The following TNKS variants were observed in gnomAD, a reference collection of about 807,000 sequenced individuals.
The protein encoded by TNKS is poly [ADP-ribose] polymerase tankyrase-1.
A neutral mutation model predicts 135.8 loss-of-function variants in TNKS; 72 were observed. The observed-to-expected ratio is 0.53, with a 90% CI of 0.44 to 0.64. The LOEUF is 0.64. Among genes scored for constraint, TNKS ranks in the 30% least tolerant of loss-of-function variants. The pLI is 0.00. For missense variants in TNKS, 1,769 were observed against 1,674.0 expected, an observed-to-expected ratio of 1.06 and a Z score of -0.99; for synonymous variants, 849 against 649.3, an observed-to-expected ratio of 1.31 and a Z score of -4.68.
At chr8:9,664,887 C>T (rs1242421171) in intron 3 of TNKS, among the ~76,000 whole-genome samples, 1 of 152,216 alleles carries the variant, frequency 6.6e-6, no homozygotes, top group African/African-American at 2.4e-5. Context: ...TACTACACGG[C>T]ATTTCTATAC....
At chr8:9,641,209 G>A (rs1164932044) in intron 3 of TNKS, among the ~76,000 whole-genome samples, 1 of 145,154 alleles carries the variant, frequency 6.9e-6, no homozygotes, top group African/African-American at 2.6e-5. Flanking sequence ...TTCTTAAGGT[G>A]CAAATTTCAT....
intron 26 of TNKS, among the ~76,000 whole-genome samples, chr8:9,771,826 T>G (rs1373861869): frequency 5.9e-4 from 1 of 1,700 alleles, no homozygotes; most frequent in East Asian, 0.021. Context: ...GAAGGGGGAA[T>G]GAAGCGGGGA....
intron 13 of TNKS, 62 bp downstream of exon 13, chr8:9,726,782 T>C: frequency 6.8e-6 from 9 of 1,319,438 alleles, no homozygotes; most frequent in Non-Finnish European, 9.7e-6. Context: ...AATTCATTTT[T>C]AAGCTTCTAA....
intron 5 of TNKS, among the ~76,000 whole-genome samples, chr8:9,683,163 C>T (rs1293789230): frequency 6.6e-6 from 1 of 151,880 alleles, no homozygotes; most frequent in African/African-American, 2.4e-5. Flanking sequence ...ATTAAATGTA[C>T]CAGTTGCAGT....
At chr8:9,617,365 A>T (rs1799684961) in intron 3 of TNKS, among the ~76,000 whole-genome samples, 1 of 152,180 alleles carries the variant, frequency 6.6e-6, no homozygotes, top group African/African-American at 2.4e-5. Flanking sequence ...CATAATACTG[A>T]TTTAGAGTCA....
At chr8:9,762,730 G>T (rs1807210317) in intron 21 of TNKS, among the ~76,000 whole-genome samples, 1 of 151,986 alleles carries the variant, frequency 6.6e-6, no homozygotes, top group Non-Finnish European at 1.5e-5. Context: ...ATGAAACCCT[G>T]TCTCTACTAA....
chr8:9,751,516 GA>G, intron 18 of TNKS, 92 bp from the exon 19 acceptor site: 3 of 1,212,550 alleles, frequency 2.5e-6, no homozygotes, highest in Non-Finnish European at 2.3e-6. Context: ...ATTCATTAAG[GA>G]AAAAATCCAC....
In TNKS at chr8:9,556,034, C is replaced by T. The variant is rs776203335; in HGVS notation, c.95C>T (p.Pro32Leu). Residue 32 changes from proline (P) to leucine (L), a missense_variant, in exon 1 of 27, where the codon CCT (proline) becomes CTT (leucine). This residue lies in a region of TNKS where 450 missense variants were observed against 304.9 expected (regional missense o/e 1.48). Coordinates refer to ENST00000310430, the MANE Select transcript of TNKS (RefSeq NM_003747.3). The stretch of plus-strand genomic sequence containing the variant: ...GCTTCAGCGCCGCCGCCGCCACCTC[C>T]TCCCCCACTCAGCCCTGGCCTGGCC... ...PGASAPPPPP[P>L]PPLSPGLAPG... The T allele has an allele frequency of 5.6e-6, 9 of 1,611,972 alleles. No individual in the cohort carries two copies. Among genetic ancestry groups the T allele is most frequent in the Middle Eastern group, 1.7e-4 (1 of 6,042 alleles).
chr8:9,769,598 C>T (rs552658695), intron 25 of TNKS, among the ~76,000 whole-genome samples: 3 of 147,418 alleles, frequency 2.0e-5, no homozygotes, highest in Admixed American at 2.0e-4. Flanking sequence ...GCAAAACTTA[C>T]TGGCAGGCAT....
chr8:9,666,037 C>A (rs577969024), intron 3 of TNKS, among the ~76,000 whole-genome samples: 1 of 152,218 alleles, frequency 6.6e-6, no homozygotes, highest in African/African-American at 2.4e-5. Context: ...GTTCCTTGTA[C>A]CTAGGAGAAT....
intron 11 of TNKS, among the ~76,000 whole-genome samples, chr8:9,713,434 A>G (rs1205098394): frequency 6.6e-6 from 1 of 152,210 alleles, no homozygotes; most frequent in Non-Finnish European, 1.5e-5. Flanking sequence ...AATGGAAAAT[A>G]ACATTATGAC....
At chr8:9,623,428 A>G (rs953788121) in intron 3 of TNKS, among the ~76,000 whole-genome samples, 3 of 61,472 alleles carry the variant, frequency 4.9e-5, no homozygotes, top group Non-Finnish European at 6.3e-5. Context: ...CATAAAGTGA[A>G]ACACACTTTT....
chr8:9,596,879 G>A (rs1309669417), intron 2 of TNKS, among the ~76,000 whole-genome samples: 1 of 152,260 alleles, frequency 6.6e-6, no homozygotes, highest in East Asian at 1.9e-4. Flanking sequence ...TGTTCTAGTG[G>A]GTCCCCTAAA....
chr8:9,704,807 C>G, intron 6 of TNKS, 50 bp downstream of exon 6: 1 of 1,458,650 alleles, frequency 6.9e-7, no homozygotes, highest in South Asian at 1.2e-5. Context: ...TTGTCTGATA[C>G]TCTAAACTTT....
chr8:9,654,534 A>C (rs1801273803), intron 3 of TNKS, among the ~76,000 whole-genome samples: 1 of 152,198 alleles, frequency 6.6e-6, no homozygotes, highest in Admixed American at 6.5e-5. Flanking sequence ...CTTCATTGCA[A>C]ACTTAACCAA....
chr8:9,620,245 C>T (rs1054648365), intron 3 of TNKS, among the ~76,000 whole-genome samples: 5 of 152,166 alleles, frequency 3.3e-5, no homozygotes, highest in African/African-American at 1.2e-4. Flanking sequence ...CCGTGCCCGG[C>T]CGGGACTCCT....
Position 9,765,767 on chromosome 8 carries a change from A to G in TNKS, c.3523A>G (p.Asn1175Asp). Residue 1175 changes from asparagine to aspartate, a missense_variant, in exon 24 of 27, where the codon AAC (asparagine) becomes GAC (aspartate). Asn to Asp is a conservative substitution (Grantham distance 23). Coordinates refer to ENST00000310430, the MANE Select transcript of TNKS (RefSeq NM_003747.3). ...GAAGGAAGTGTCTGAGGAGAATCAC[A>G]ACCATCACAATGAGCGCATGTTGTT... Reference protein sequence around the residue: ...RQKEVSEENHNHHNERMLFHG... With the variant: ...RQKEVSEENHDHHNERMLFHG... 6.2e-7 allele frequency: 1 copy of G among 1,614,030 alleles called. No individual in the cohort carries two copies. The highest frequency in any genetic ancestry group is 8.5e-7 in the Non-Finnish European group (1 of 1,179,906).
At chr8:9,720,303 G>A in intron 11 of TNKS, 71 bp from the exon 12 acceptor site, 1 of 1,301,286 alleles carries the variant, frequency 7.7e-7, no homozygotes, top group Non-Finnish European at 1.0e-6. Context: ...TCATAAGAAT[G>A]TATTTTCTAA....
chr8:9,655,269 C>T (rs906254273), intron 3 of TNKS, among the ~76,000 whole-genome samples: 16 of 152,200 alleles, frequency 1.1e-4, no homozygotes, highest in East Asian at 3.9e-4. Flanking sequence ...TGGAGCCCAC[C>T]GCAGCTCAAG....
Sources: gnomAD v4.1 joint callset for allele counts (sites outside exome capture counted in the v4.1 genomes callset) on GRCh38, gnomAD v4.1.1 for gene constraint, gnomAD v4.1.1 regional missense constraint, MANE v1.5 for transcripts, NCBI Gene and HGNC (gene_info 2026-07-23, HGNC 2026-07-21) for gene names.